NVL: variants seen among roughly 807,000 people sequenced by gnomAD.
The protein encoded by NVL is nuclear valosin-containing protein-like.
In NVL, 84 loss-of-function variants were observed where a neutral mutation model predicts 110.2. The ratio of observed to expected loss-of-function variants is 0.76; its 90% CI spans 0.64 to 0.91. NVL has a LOEUF of 0.91. Ranked by LOEUF, NVL falls within the 40% of genes least tolerant of loss-of-function variation. The pLI, the probability that NVL is intolerant of heterozygous loss-of-function variation, is 0.00. For missense variants in NVL, 882 were observed against 1,035.9 expected, an observed-to-expected ratio of 0.85 and a Z score of 2.04; for synonymous variants, 354 against 361.1, an observed-to-expected ratio of 0.98 and a Z score of 0.22.
chr1:224,281,257 T>C (rs890764113), intron 15 of NVL, 72 bp from the exon 16 acceptor site: 9 of 1,218,034 alleles, frequency 7.4e-6, no homozygotes, highest in East Asian at 2.3e-5. Flanking sequence ...ATGATGATGA[T>C]GTGTGACAAT....
Position 224,289,643 on chromosome 1 carries a change from A to G in NVL, c.1416T>C (p.Ala472=). The change falls in exon 13 of 23, where the codon GCT becomes GCC. Residue 472 remains alanine, a synonymous_variant. Coordinates refer to ENST00000281701, the MANE Select transcript of NVL (RefSeq NM_002533.4). ...CCTCTCGGCACAGTGCCATGAGATC[A>G]GCACCAACAAAGCCTGGAGTTAGGT... ...LAHLTPGFVG[A]DLMALCREAA... is the part of the protein sequence containing the mutation. 1 of 1,614,276 alleles carries G rather than the reference A, an allele frequency of 6.2e-7. No homozygotes were observed. Among genetic ancestry groups the G allele is most frequent in the Non-Finnish European group, 8.5e-7 (1 of 1,180,052 alleles).
intron 15 of NVL, 33 bp from the exon 16 acceptor site, chr1:224,281,218 A>G (rs1333231540): frequency 6.6e-7 from 1 of 1,523,912 alleles, no homozygotes. Flanking sequence ...CACAAATAAG[A>G]CCAATACACA....
intron 19 of NVL, among the ~76,000 whole-genome samples, chr1:224,243,738 T>C (rs1190960714): frequency 1.3e-5 from 2 of 149,072 alleles, no homozygotes; most frequent in South Asian, 2.1e-4. Context: ...CTCGGCTCAC[T>C]GCAACCTCCA....
intron 17 of NVL, among the ~76,000 whole-genome samples, chr1:224,273,222 G>A (rs923489299): frequency 2.6e-5 from 4 of 151,942 alleles, no homozygotes; most frequent in Admixed American, 6.6e-5. Context: ...AGACCAGCCC[G>A]GCCATCATGG....
intron 15 of NVL, among the ~76,000 whole-genome samples, chr1:224,283,542 G>A (rs890361496): frequency 1.3e-5 from 2 of 152,110 alleles, no homozygotes; most frequent in African/African-American, 4.8e-5. Flanking sequence ...CTCAATTGTT[G>A]GCAGTTCAGT....
chr1:224,236,068 T>C (rs1219216881), intron 20 of NVL, among the ~76,000 whole-genome samples: 1 of 152,004 alleles, frequency 6.6e-6, no homozygotes, highest in Non-Finnish European at 1.5e-5. Context: ...TCAAAACATA[T>C]GAAGAAAAAC....
chr1:224,317,621 G>A lies in NVL; in HGVS notation c.284+73C>T, dbSNP rs1232437509. On this transcript the variant is annotated intron_variant, in intron 4 of 22. Transcript: ENST00000281701. ...GCTTTGTTGGCAATGAAGAGCCACT[G>A]AAAGTTTTACAAGCAGGAATGTAAC... 6 of 899,472 alleles carry A rather than the reference G, an allele frequency of 6.7e-6. No individual in the cohort carries two copies. In the Admixed American group the frequency reaches 1.2e-4, roughly 18 times the overall value. 55.7% of individuals were successfully genotyped at this position (899,472 alleles called of 1,614,324 possible). A position where few individuals can be genotyped will look rare whatever the true frequency, so the allele number is the denominator to read the frequency against.
chr1:224,309,424 T>C (rs1669296189), intron 5 of NVL, among the ~76,000 whole-genome samples: 1 of 151,394 alleles, frequency 6.6e-6, no homozygotes, highest in South Asian at 2.1e-4. Flanking sequence ...GAGGCTAAGG[T>C]AGGAGGACAA....
chr1:224,311,890 C>A, intron 4 of NVL, 33 bp from the exon 5 acceptor site: 1 of 1,516,404 alleles, frequency 6.6e-7, no homozygotes, highest in South Asian at 1.1e-5. Flanking sequence ...GTTTTAAAGA[C>A]TTTCTCTCCC....
chr1:224,240,172 A>G (rs2102721176), intron 19 of NVL, among the ~76,000 whole-genome samples: 1 of 148,206 alleles, frequency 6.7e-6, no homozygotes, highest in East Asian at 2.0e-4. Context: ...GGTTCAAGCG[A>G]TTCTCCTGCC....
At chr1:224,227,768 G>A (rs1659348901) in intron 22 of NVL, 98 bp from the exon 23 acceptor site, 5 of 1,087,816 alleles carry the variant, frequency 4.6e-6, no homozygotes, top group Non-Finnish European at 6.8e-6. Flanking sequence ...CGCACCCGCA[G>A]GACCTCAGAA....
chr1:224,229,466 A>G (rs1666688705), intron 22 of NVL, among the ~76,000 whole-genome samples: 1 of 151,698 alleles, frequency 6.6e-6, no homozygotes. Context: ...ACGGAGTCTC[A>G]ATCTGTCGCC....
chr1:224,317,006 G>A (rs1486576006), intron 4 of NVL, among the ~76,000 whole-genome samples: 1 of 151,962 alleles, frequency 6.6e-6, no homozygotes, highest in Non-Finnish European at 1.5e-5. Flanking sequence ...GGGTGTGGTG[G>A]CACATGACTG....
At position 224,289,586 on chromosome 1, in the gene NVL, C is replaced by G. The variant is rs1264798875; in HGVS notation, c.1473G>C (p.Met491Ile). Reference sequence around the variant, plus strand: ...TTTTCTTCTGCTGTTCCTGTAGCTTCATTAAGACTCTATTGACTGCACACA... The same window carrying G: ...TTTTCTTCTGCTGTTCCTGTAGCTTGATTAAGACTCTATTGACTGCACACA... ...AAMCAVNRVL[M>I]KLQEQQKKNP... The change falls in exon 13 of 23, where the codon ATG (methionine) becomes ATC (isoleucine). Residue 491 changes from methionine (M) to isoleucine (I), a missense_variant. Around this residue, in one of 4 missense-constraint regions of NVL, gnomAD observed 416 missense variants for 499.3 expected, o/e 0.83. Coordinates refer to ENST00000281701, the MANE Select transcript of NVL (RefSeq NM_002533.4). The G allele has an allele frequency of 1.2e-6, 2 of 1,614,138 alleles. No homozygotes were observed. Among genetic ancestry groups the G allele is most frequent in the Non-Finnish European group, 1.7e-6 (2 of 1,180,052 alleles).
chr1:224,300,302 A>T (rs1207224591), intron 10 of NVL, among the ~76,000 whole-genome samples: 1 of 152,198 alleles, frequency 6.6e-6, no homozygotes, highest in Non-Finnish European at 1.5e-5. Flanking sequence ...TCAACATATG[A>T]CTACAGGGTA....
chr1:224,295,910 A>C (rs1384506518), intron 11 of NVL, among the ~76,000 whole-genome samples: 1 of 140,460 alleles, frequency 7.1e-6, no homozygotes, highest in Non-Finnish European at 1.5e-5. Context: ...GGTTGCAGCG[A>C]GTTGAGATCA....
intron 10 of NVL, among the ~76,000 whole-genome samples, chr1:224,299,320 A>G (rs1001410661): frequency 6.6e-6 from 1 of 152,238 alleles, no homozygotes; most frequent in African/African-American, 2.4e-5. Context: ...TGGGGGAAAA[A>G]AAAGAATAAA....
At chr1:224,250,390 G>A in intron 18 of NVL, 72 bp from the exon 19 acceptor site, 1 of 1,344,236 alleles carries the variant, frequency 7.4e-7, no homozygotes, top group Non-Finnish European at 9.8e-7. Flanking sequence ...TTTGAGAGAG[G>A]GTCTTGTTCC....
At chr1:224,316,098 A>G (rs1670031806) in intron 4 of NVL, among the ~76,000 whole-genome samples, 3 of 152,286 alleles carry the variant, frequency 2.0e-5, no homozygotes, top group East Asian at 3.9e-4. Flanking sequence ...TGAGCCCAGG[A>G]GGTAGAGGCT....
Sources: gnomAD v4.1 joint callset for allele counts (sites outside exome capture counted in the v4.1 genomes callset) on GRCh38, gnomAD v4.1.1 for gene constraint, gnomAD v4.1.1 regional missense constraint, MANE v1.5 for transcripts, NCBI Gene and HGNC (gene_info 2026-07-23, HGNC 2026-07-21) for gene names.